NRXN1: variants seen among roughly 807,000 people sequenced by gnomAD.
NRXN1 encodes the protein neurexin-1.
NRXN1 carries 39 observed loss-of-function variants against 150.9 expected under a neutral mutation model. That is an observed-to-expected ratio of 0.26 (90% confidence interval 0.20 to 0.34). The LOEUF (loss-of-function observed/expected upper bound fraction) is 0.34. Ranked by LOEUF, NRXN1 falls within the 10% of genes least tolerant of loss-of-function variation. NRXN1 has a pLI of 1.00. For synonymous variants in NRXN1, 924 were observed against 757.0 expected, an observed-to-expected ratio of 1.22 and a Z score of -3.62; for missense variants, 1,815 against 1,949.9, an observed-to-expected ratio of 0.93 and a Z score of 1.30.
chr2:51,029,470 CT>C (rs1330882310), intron 1 of NRXN1, among the ~76,000 whole-genome samples: 1 of 152,132 alleles, frequency 6.6e-6, no homozygotes, highest in East Asian at 1.9e-4. Flanking sequence ...TTATGGTTAT[CT>C]TTTTCTTTTC....
intron 18 of NRXN1, among the ~76,000 whole-genome samples, chr2:50,133,712 T>A (rs1482479837): frequency 6.6e-6 from 1 of 152,148 alleles, no homozygotes; most frequent in Non-Finnish European, 1.5e-5. Context: ...TATAGTCACA[T>A]AAATACTCAA....
chr2:50,363,240 TG>T (rs1344030038), intron 17 of NRXN1, among the ~76,000 whole-genome samples: 1 of 152,072 alleles, frequency 6.6e-6, no homozygotes, highest in African/African-American at 2.4e-5. Context: ...AATTGACAAA[TG>T]GGTTCTGATT....
At chr2:50,350,916 T>A (rs189471728) in intron 17 of NRXN1, among the ~76,000 whole-genome samples, 3 of 152,320 alleles carry the variant, frequency 2.0e-5, no homozygotes, top group African/African-American at 7.2e-5. Context: ...AGGGCACCTT[T>A]GCAATACTTA....
At chr2:50,230,743 A>G (rs568141331) in intron 18 of NRXN1, among the ~76,000 whole-genome samples, 25 of 152,230 alleles carry the variant, frequency 1.6e-4, no homozygotes, top group South Asian at 6.2e-4. Flanking sequence ...GATGATGACC[A>G]GTAATTTAGA....
In NRXN1 at chr2:50,325,379, C is replaced by G. The variant is rs375011965; in HGVS notation, c.3365-88409G>C. ...AGAGGGAGAAGTTTGTCATGCCCCC[C>G]ACCAGGTCCCATGGCGGAGCTACAG... On this transcript the variant is annotated intron_variant, in intron 17 of 22. Coordinates refer to ENST00000401669, the MANE Select transcript of NRXN1 (RefSeq NM_001330078.2). Among the ~76,000 whole-genome samples, 7 of 152,322 alleles carry G rather than the reference C, an allele frequency of 4.6e-5. No homozygotes were observed. The South Asian group carries it at 1.2e-3, about 27-fold the overall frequency.
At chr2:50,796,249 T>C (rs958158251) in intron 5 of NRXN1, among the ~76,000 whole-genome samples, 7 of 152,168 alleles carry the variant, frequency 4.6e-5, no homozygotes, top group African/African-American at 1.7e-4. Flanking sequence ...CCAAAGTTAA[T>C]TTTTATACTT....
chr2:50,230,018 G>A (rs900343446), intron 18 of NRXN1, among the ~76,000 whole-genome samples: 1 of 152,028 alleles, frequency 6.6e-6, no homozygotes, highest in Non-Finnish European at 1.5e-5. Flanking sequence ...TGGGTCAAAA[G>A]GAGTAGTGAT....
intron 18 of NRXN1, among the ~76,000 whole-genome samples, chr2:50,130,870 G>T (rs1705362843): frequency 6.6e-6 from 1 of 152,150 alleles, no homozygotes; most frequent in Non-Finnish European, 1.5e-5. Context: ...AAGGCATTTG[G>T]TTGAGGATTC....
At chr2:50,501,063 C>T (rs554347153) in intron 13 of NRXN1, among the ~76,000 whole-genome samples, 11 of 152,044 alleles carry the variant, frequency 7.2e-5, no homozygotes, top group Admixed American at 3.3e-4. Flanking sequence ...ATTTGATGAA[C>T]GAGGTATTGT....
chr2:50,271,997 G>C (rs1331128074), intron 17 of NRXN1, among the ~76,000 whole-genome samples: 1 of 152,008 alleles, frequency 6.6e-6, no homozygotes, highest in Non-Finnish European at 1.5e-5. Context: ...TCCAAGGGGG[G>C]GTCACACAAT....
At chr2:50,645,684 A>T (rs987691467) in intron 5 of NRXN1, among the ~76,000 whole-genome samples, 11 of 151,996 alleles carry the variant, frequency 7.2e-5, no homozygotes, top group Admixed American at 3.3e-4. Context: ...GAGCATAAGA[A>T]CTAAGATCAG....
At position 50,730,672 on chromosome 2, in the gene NRXN1, C is replaced by CTTTTTTTTTTT. The variant is rs56042523; in HGVS notation, c.833-107068_833-107058dup. Among the ~76,000 whole-genome samples the CTTTTTTTTTTT allele has an allele frequency of 8.7e-4, 106 of 122,004 alleles. 1 individual carries two copies. Among genetic ancestry groups the CTTTTTTTTTTT allele is most frequent in the Non-Finnish European group, 1.4e-3 (86 of 61,396 alleles). 80.0% of individuals were successfully genotyped at this position (122,004 alleles called of 152,430 possible). ...AATCTTCCTTTATCTTTCTTGTTTT[C>CTTTTTTTTTTT]TTTTTTTTTTTTTTTTTTGAGACGG... is the stretch of plus-strand genomic sequence containing the variant. On this transcript the variant is annotated intron_variant, in intron 5 of 22. Coordinates refer to ENST00000401669, the MANE Select transcript of NRXN1 (RefSeq NM_001330078.2).
chr2:49,924,890 G>A (rs980684954), intron 22 of NRXN1, among the ~76,000 whole-genome samples: 17 of 152,092 alleles, frequency 1.1e-4, no homozygotes, highest in African/African-American at 3.4e-4. Context: ...GTTCGGAATA[G>A]GTAGTTACTC....
In NRXN1 at chr2:50,488,193, C is replaced by T. The variant is rs563485111; in HGVS notation, c.3070+7712G>A. Among the ~76,000 whole-genome samples the T allele has an allele frequency of 2.0e-5, 3 of 152,274 alleles. No homozygotes were observed. In the East Asian group the frequency reaches 5.8e-4, roughly 29 times the overall value. On this transcript the variant is annotated intron_variant, in intron 15 of 22. Coordinates refer to ENST00000401669, the MANE Select transcript of NRXN1 (RefSeq NM_001330078.2). ...GAGCCTTTGATATCTTCATTTATAACCCAAGTAGCCTATCCCCATATTTCT... is the reference window on the plus strand; with the variant it reads ...GAGCCTTTGATATCTTCATTTATAATCCAAGTAGCCTATCCCCATATTTCT...
intron 5 of NRXN1, among the ~76,000 whole-genome samples, chr2:50,699,737 C>T (rs9752353): frequency 6.6e-6 from 1 of 151,770 alleles, no homozygotes; most frequent in African/African-American, 2.4e-5. Context: ...CAACACCTTG[C>T]CTTTGGCCCA....
intron 5 of NRXN1, among the ~76,000 whole-genome samples, chr2:50,800,762 C>G (rs1464227679): frequency 6.6e-6 from 1 of 152,136 alleles, no homozygotes; most frequent in African/African-American, 2.4e-5. Flanking sequence ...GTTGGTCAGC[C>G]TGTTCTCGAA....
At position 50,598,086 on chromosome 2, in the gene NRXN1, C is replaced by A. The variant is rs535346559; in HGVS notation, c.1320+21936G>T. On this transcript the variant is annotated intron_variant, in intron 8 of 22. Transcript: ENST00000401669. ...CCCGGGAGGAGGAGGTTGCAGTGAG[C>A]CAAGATGTGCCATTGCACTCCAGCC... Among the ~76,000 whole-genome samples, 3 of 152,044 alleles carry A rather than the reference C, an allele frequency of 2.0e-5. No individual in the cohort carries two copies. The South Asian group carries it at 6.2e-4, about 32-fold the overall frequency.
chr2:50,510,021 A>C (rs921933586), intron 12 of NRXN1, among the ~76,000 whole-genome samples: 3 of 152,194 alleles, frequency 2.0e-5, no homozygotes, highest in African/African-American at 7.2e-5. Flanking sequence ...CCAGCCAGGA[A>C]GAAGGCCCTC....
At chr2:50,029,129 T>C (rs1688807824) in intron 21 of NRXN1, among the ~76,000 whole-genome samples, 1 of 152,224 alleles carries the variant, frequency 6.6e-6, no homozygotes, top group South Asian at 2.1e-4. Flanking sequence ...TATAAGAGGC[T>C]GAACAAACCA....
Sources: gnomAD v4.1 joint callset for allele counts (sites outside exome capture counted in the v4.1 genomes callset) on GRCh38, gnomAD v4.1.1 for gene constraint, MANE v1.5 for transcripts, NCBI Gene and HGNC (gene_info 2026-07-23, HGNC 2026-07-21) for gene names.